Variants in TMCC2 observed in about 807,000 individuals in gnomAD.
The protein encoded by TMCC2 is transmembrane and coiled-coil domain family 2.
TMCC2 carries 16 observed loss-of-function variants against 49.4 expected under a neutral mutation model. That is an observed-to-expected ratio of 0.32 (90% CI 0.22 to 0.49). TMCC2 has a LOEUF of 0.49. Ranked by LOEUF, TMCC2 falls within the 20% of genes least tolerant of loss-of-function variation. TMCC2 has a pLI of 0.99. For missense variants in TMCC2, 762 were observed against 989.8 expected (o/e 0.77, Z 3.09); for synonymous variants, 397 against 434.1 (o/e 0.91, Z 1.06).
intron 2 of TMCC2, among the ~76,000 whole-genome samples, chr1:205,249,254 A>G (rs1660573231): frequency 6.6e-6 from 1 of 152,174 alleles, no homozygotes. Flanking sequence ...CAGACTCTGA[A>G]TGCCCTGTGC....
At chr1:205,249,508 G>A (rs1365631671) in intron 2 of TMCC2, among the ~76,000 whole-genome samples, 1 of 152,232 alleles carries the variant, frequency 6.6e-6, no homozygotes, top group East Asian at 1.9e-4. Flanking sequence ...TGACCGCTCA[G>A]CCAGCCGGCC....
Position 205,269,868 on chromosome 1 carries a change from C to G in TMCC2, c.1666C>G (p.Gln556Glu). 1 of 1,612,998 alleles carries G rather than the reference C, an allele frequency of 6.2e-7. No homozygotes were observed. Among genetic ancestry groups the G allele is most frequent in the South Asian group, 1.1e-5 (1 of 91,058 alleles). ...CTACACCTACATGACCCAGTGCCTG[C>G]AGGAGGAGCGCTACAGGTAGGTGCC... ...RDYTYMTQCL[Q>E]EERYRYERLE... The change falls in exon 3 of 5, where the codon CAG becomes GAG. Residue 556 changes from glutamine (Q) to glutamate (E), a missense_variant. By Grantham distance (29) the Gln-to-Glu change is conservative. Transcript: ENST00000358024.
chr1:205,245,937 G>A (rs953149176), intron 2 of TMCC2, among the ~76,000 whole-genome samples: 6 of 151,632 alleles, frequency 4.0e-5, no homozygotes, highest in African/African-American at 9.7e-5. Flanking sequence ...CACCTCGCCC[G>A]GCTAATTTTT....
intron 2 of TMCC2, chr1:205,246,813 G>T (rs1660471323): frequency 1.9e-6 from 2 of 1,065,092 alleles, no homozygotes; most frequent in South Asian, 3.0e-5. Flanking sequence ...GTTGCCTAGG[G>T]CTCCCATGAA....
At position 205,272,203 on chromosome 1, in the gene TMCC2, G is replaced by A. The variant is rs1400996587; in HGVS notation, c.*79G>A. 3.9e-6 allele frequency: 6 copies of A among 1,541,968 alleles called. No individual in the cohort carries two copies. The South Asian group carries it at 7.4e-5, about 19-fold the overall frequency. On this transcript the variant is annotated 3_prime_UTR_variant, in exon 5 of 5. Transcript: ENST00000358024. Reference sequence around the variant, plus strand: ...CCAGGAGGGACCCTTGGACTTCTTTGTGTGTCCAGTTTGGCCTCCTGCCCA... The same window carrying A: ...CCAGGAGGGACCCTTGGACTTCTTTATGTGTCCAGTTTGGCCTCCTGCCCA...
Position 205,228,542 on chromosome 1 carries a change from C to T in TMCC2, c.-23C>T. 2 of 1,580,262 alleles carry T rather than the reference C, an allele frequency of 1.3e-6. No homozygotes were observed. The highest frequency in any genetic ancestry group is 8.6e-7 in the Non-Finnish European group (1 of 1,157,132). ...AGACGGCGCGCTGGAAGGACAGATT[C>T]CCCTTGCCGACCCACATACACCATG... On this transcript the variant is annotated 5_prime_UTR_variant, in exon 1 of 5. Coordinates refer to ENST00000358024, the MANE Select transcript of TMCC2 (RefSeq NM_014858.4).
chr1:205,238,080 A>G (rs911730872), intron 1 of TMCC2, among the ~76,000 whole-genome samples: 2 of 152,194 alleles, frequency 1.3e-5, no homozygotes, highest in African/African-American at 4.8e-5. Context: ...GGGAAAAGCA[A>G]AAGTCAATGT....
chr1:205,250,950 A>AC (rs1660643545), intron 2 of TMCC2, among the ~76,000 whole-genome samples: 1 of 152,140 alleles, frequency 6.6e-6, no homozygotes, highest in Non-Finnish European at 1.5e-5. Context: ...CTCCCCGGCT[A>AC]CCCAGCACGT....
intron 2 of TMCC2, chr1:205,256,150 G>A (rs1660862268): frequency 1.5e-6 from 2 of 1,346,080 alleles, no homozygotes; most frequent in African/African-American, 1.5e-5. Context: ...CCCAATCAAC[G>A]TGACGCGTGT....
chr1:205,241,626 A>G lies in TMCC2; in HGVS notation c.329A>G (p.Gln110Arg). 1 of 1,613,996 alleles carries G rather than the reference A, an allele frequency of 6.2e-7. No homozygotes were observed. The change falls in exon 2 of 5, where the codon CAG (glutamine) becomes CGG (arginine). Residue 110 changes from glutamine to arginine, a missense_variant. By Grantham distance (43) the Gln-to-Arg change is conservative. Around this residue, in one of 2 missense-constraint regions of TMCC2, gnomAD observed 322 missense variants for 353.1 expected, o/e 0.91. Coordinates refer to ENST00000358024, the MANE Select transcript of TMCC2 (RefSeq NM_014858.4). This position sits in a 1 kb window ranked among gnomAD's most constrained non-coding sequence, Gnocchi z 7.3. Reference sequence around the variant, plus strand: ...TCTCAGGATTCCCAGCAGCATCAGCAGCAGCAGGGTATGTCCGACCATGAC... The same window carrying G: ...TCTCAGGATTCCCAGCAGCATCAGCGGCAGCAGGGTATGTCCGACCATGAC... ...QTSQDSQQHQ[Q>R]QQGMSDHDSP...
chr1:205,239,305 G>T (rs1012685381), intron 1 of TMCC2, among the ~76,000 whole-genome samples: 4 of 152,216 alleles, frequency 2.6e-5, no homozygotes, highest in Admixed American at 6.5e-5. Flanking sequence ...TCTCACATCA[G>T]CTTGGGCCTG....
At chr1:205,235,535 C>T (rs1660005788) in intron 1 of TMCC2, among the ~76,000 whole-genome samples, 1 of 152,172 alleles carries the variant, frequency 6.6e-6, no homozygotes. Flanking sequence ...AGGGCTCAGG[C>T]AGCTTCTCAG....
At chr1:205,249,451 G>A (rs182676310) in intron 2 of TMCC2, among the ~76,000 whole-genome samples, 22 of 152,334 alleles carry the variant, frequency 1.4e-4, no homozygotes, top group African/African-American at 5.3e-4. Flanking sequence ...GAGTCTGCTG[G>A]TTCAGAGGTG....
intron 4 of TMCC2, 178 bp downstream of exon 4, chr1:205,271,433 A>G: frequency 9.8e-7 from 1 of 1,025,630 alleles, no homozygotes; most frequent in Admixed American, 2.1e-5. Context: ...TGAGCAAGAC[A>G]GGCCTGAGGC....
At position 205,249,583 on chromosome 1, in the gene TMCC2, C is replaced by T. The variant is rs994327606; in HGVS notation, c.747+7539C>T. Among the ~76,000 whole-genome samples, 10 of 152,184 alleles carry T rather than the reference C, an allele frequency of 6.6e-5. No homozygotes were observed. The East Asian group carries it at 1.2e-3, about 18-fold the overall frequency. ...GCATGGGAGGCTGAAGGGGCCCAGA[C>T]GGGCCACTCTGCCTGTTCACACGAA... On this transcript the variant is annotated intron_variant, in intron 2 of 4. Coordinates refer to ENST00000358024, the MANE Select transcript of TMCC2 (RefSeq NM_014858.4).
At chr1:205,254,969 T>A (rs1322907962) in intron 2 of TMCC2, among the ~76,000 whole-genome samples, 1 of 152,184 alleles carries the variant, frequency 6.6e-6, no homozygotes, top group Non-Finnish European at 1.5e-5. Flanking sequence ...CCCAGCACTT[T>A]GGGAGGCCAA....
chr1:205,270,972 G>A (rs1034057880), intron 3 of TMCC2, 148 bp from the exon 4 acceptor site: 90 of 1,117,334 alleles, frequency 8.1e-5, no homozygotes, highest in Non-Finnish European at 1.1e-4. Flanking sequence ...AGCTTCTATT[G>A]TTGTTGCTGT....
At chr1:205,254,055 G>A (rs57180087) in intron 2 of TMCC2, among the ~76,000 whole-genome samples, 3,456 of 152,214 alleles carry the variant, frequency 0.023, 108 homozygotes, top group African/African-American at 0.07. Flanking sequence ...CTCCAAGGCC[G>A]CCTCGTCCAA....
At chr1:205,263,418 G>C (rs1661196809) in intron 2 of TMCC2, among the ~76,000 whole-genome samples, 1 of 152,152 alleles carries the variant, frequency 6.6e-6, no homozygotes, top group South Asian at 2.1e-4. Context: ...GCCGAGTGCA[G>C]CTTGGCTCAG....
Sources: allele counts gnomAD v4.1 joint callset (sites outside exome capture counted in the v4.1 genomes callset), GRCh38; gene constraint gnomAD v4.1.1; regional missense constraint gnomAD v4.1.1; non-coding constraint Gnocchi (gnomAD v3.1); transcripts MANE v1.5; gene names NCBI Gene and HGNC (gene_info 2026-07-23, HGNC 2026-07-21).